Variants in KCNIP3 observed in about 807,000 individuals in gnomAD.
KCNIP3 encodes the protein calsenilin.
A neutral mutation model predicts 35.0 loss-of-function variants in KCNIP3; 28 were observed. That is an observed-to-expected ratio of 0.80 (90% confidence interval 0.59 to 1.10). The LOEUF is 1.10. Ranked by LOEUF, KCNIP3 falls within the 50% of genes least tolerant of loss-of-function variation. The probability of loss-of-function intolerance (pLI) is 0.00; values close to 1 mark genes in which losing one functional copy is unlikely to be tolerated. For missense variants in KCNIP3, 295 were observed against 338.4 expected (o/e 0.87, Z 1.01); for synonymous variants, 134 against 133.8 (o/e 1.00, Z -0.01).
chr2:95,373,765 A>G (rs566984940), intron 2 of KCNIP3, among the ~76,000 whole-genome samples: 14 of 152,200 alleles, frequency 9.2e-5, no homozygotes, highest in Non-Finnish European at 1.9e-4. Context: ...CTGCCCCCAC[A>G]GCCCTGGAGG....
chr2:95,313,462 C>A (rs1182118454), intron 2 of KCNIP3: 1 of 152,350 alleles, frequency 6.6e-6, no homozygotes, highest in African/African-American at 2.4e-5. Flanking sequence ...CCCACCCTAC[C>A]CAGGAGAGGC....
chr2:95,301,668 G>A (rs1168565844), intron 1 of KCNIP3, among the ~76,000 whole-genome samples: 6 of 152,174 alleles, frequency 3.9e-5, no homozygotes, highest in Non-Finnish European at 7.3e-5. Context: ...GTTGAGGAGA[G>A]CCTGGGAAGG....
intron 2 of KCNIP3, among the ~76,000 whole-genome samples, chr2:95,332,119 G>T (rs914198537): frequency 6.6e-6 from 1 of 152,234 alleles, no homozygotes; most frequent in Non-Finnish European, 1.5e-5. Context: ...CAGACAGAGA[G>T]AGGAGGCACA....
chr2:95,353,002 C>A (rs1423706567), intron 2 of KCNIP3, among the ~76,000 whole-genome samples: 1 of 152,248 alleles, frequency 6.6e-6, no homozygotes, highest in Non-Finnish European at 1.5e-5. Context: ...GCCCTCTAAA[C>A]CTGGCACTCT....
chr2:95,374,357 G>A lies in KCNIP3; in HGVS notation c.243G>A (p.Gln81=). The A allele has an allele frequency of 6.2e-7, 1 of 1,614,188 alleles. No individual in the cohort carries two copies. The highest frequency in any genetic ancestry group is 8.5e-7 in the Non-Finnish European group (1 of 1,179,996). The change falls in exon 3 of 9, where the codon CAG becomes CAA. Residue 81 remains glutamine (Q), a synonymous_variant. Transcript: ENST00000295225. The stretch of plus-strand genomic sequence containing the variant: ...GCCACCAGCCAGAGGGGCTGGACCA[G>A]CTGCAGGCCCAGACCAAGTTCACCA... ...TVRHQPEGLD[Q]LQAQTKFTKK... is the part of the protein sequence containing the mutation.
intron 2 of KCNIP3, among the ~76,000 whole-genome samples, chr2:95,351,940 A>G (rs976863818): frequency 3.9e-5 from 6 of 152,150 alleles, no homozygotes; most frequent in Admixed American, 1.3e-4. Flanking sequence ...GGGATATAGC[A>G]CTGTGAGACT....
At chr2:95,317,617 G>A (rs745990481) in intron 2 of KCNIP3, among the ~76,000 whole-genome samples, 1 of 152,186 alleles carries the variant, frequency 6.6e-6, no homozygotes, top group Non-Finnish European at 1.5e-5. Context: ...GAGCGCCCAA[G>A]ACACTGGGGA....
At position 95,378,865 on chromosome 2, in the gene KCNIP3, T is replaced by C. The variant is rs1225494367; in HGVS notation, c.448-2731T>C. On this transcript the variant is annotated intron_variant, in intron 5 of 8. Transcript: ENST00000295225. This position sits in a 1 kb window ranked among gnomAD's most constrained non-coding sequence, Gnocchi z 4.0. ...ATATACACATATATATACACATATA[T>C]ACACACACACACATATATATACACA... Among the ~76,000 whole-genome samples, 3 of 148,602 alleles carry C rather than the reference T, an allele frequency of 2.0e-5. No homozygotes were observed. Among genetic ancestry groups the C allele is most frequent in the South Asian group, 2.1e-4 (1 of 4,728 alleles).
intron 1 of KCNIP3, among the ~76,000 whole-genome samples, chr2:95,306,242 A>G (rs1195876940): frequency 2.0e-5 from 3 of 152,246 alleles, no homozygotes; most frequent in Non-Finnish European, 4.4e-5. Flanking sequence ...AGAATGGCTA[A>G]TGACGGCGAA....
intron 2 of KCNIP3, among the ~76,000 whole-genome samples, chr2:95,326,965 G>A (rs1200246086): frequency 6.6e-6 from 1 of 152,188 alleles, no homozygotes; most frequent in Non-Finnish European, 1.5e-5. Context: ...CGGTTTACGG[G>A]TCGCCTCCTC....
chr2:95,365,901 C>G (rs1278730129), intron 2 of KCNIP3, among the ~76,000 whole-genome samples: 1 of 152,096 alleles, frequency 6.6e-6, no homozygotes, highest in Non-Finnish European at 1.5e-5. Context: ...TTCTATGAAT[C>G]TCGATACATG....
chr2:95,316,368 G>T (rs1678461846), intron 2 of KCNIP3, among the ~76,000 whole-genome samples: 1 of 152,228 alleles, frequency 6.6e-6, no homozygotes, highest in Non-Finnish European at 1.5e-5. Flanking sequence ...CTTTCCCTCT[G>T]CAAGGGATCC....
In KCNIP3 at chr2:95,310,345, C is replaced by T. The variant is rs201937981; in HGVS notation, c.16-10C>T. The T allele has an allele frequency of 2.6e-5, 42 of 1,611,838 alleles. No homozygotes were observed. In the African/African-American group the frequency reaches 4.7e-4, roughly 18 times the overall value. On this transcript the variant is annotated splice_polypyrimidine_tract_variant and intron_variant, in intron 1 of 8. Transcript: ENST00000295225. The stretch of plus-strand genomic sequence containing the variant: ...GGGGCTCAGGGCTGCTCTGCCTGTT[C>T]CTACTGCAGGAAGTGACAAAGGCGT...
intron 2 of KCNIP3, among the ~76,000 whole-genome samples, chr2:95,338,997 G>A (rs1185854571): frequency 1.3e-5 from 2 of 152,214 alleles, no homozygotes; most frequent in Non-Finnish European, 1.5e-5. Flanking sequence ...CATCTGTACA[G>A]GCCGATGGGA....
chr2:95,381,336 C>T (rs1219418562), intron 5 of KCNIP3, among the ~76,000 whole-genome samples: 2 of 151,780 alleles, frequency 1.3e-5, no homozygotes, highest in African/African-American at 4.8e-5. Context: ...TGCACACCCT[C>T]ACACAGGTGC....
chr2:95,311,639 G>T (rs1573481836), intron 2 of KCNIP3: 1 of 152,356 alleles, frequency 6.6e-6, no homozygotes, highest in South Asian at 2.1e-4. Context: ...AAAGGGACTG[G>T]CTGCTACGCA....
At position 95,374,381 on chromosome 2, in the gene KCNIP3, CA is replaced by C; in HGVS notation, c.269del (p.Lys90ArgfsTer102). ...DQLQAQTKFT[K>X]KELQSLYRGF... ...AGCTGCAGGCCCAGACCAAGTTCACCAAGAAGGAGCTGCAGTCTCTCTACAG... is the reference window on the plus strand; with the variant it reads ...AGCTGCAGGCCCAGACCAAGTTCACCAGAAGGAGCTGCAGTCTCTCTACAG... On this transcript the variant is annotated frameshift_variant, in exon 3 of 9. Coordinates refer to ENST00000295225, the MANE Select transcript of KCNIP3 (RefSeq NM_013434.5). LOFTEE classifies it high-confidence loss of function. The C allele has an allele frequency of 6.2e-7, 1 of 1,614,188 alleles. No individual in the cohort carries two copies. Among genetic ancestry groups the C allele is most frequent in the African/African-American group, 1.3e-5 (1 of 75,072 alleles).
intron 2 of KCNIP3, among the ~76,000 whole-genome samples, chr2:95,361,919 A>G (rs1384244076): frequency 6.6e-6 from 1 of 152,144 alleles, no homozygotes; most frequent in Non-Finnish European, 1.5e-5. Context: ...AGACTGAAGG[A>G]CTTAAACAAC....
chr2:95,365,408 C>T (rs1355310600), intron 2 of KCNIP3, among the ~76,000 whole-genome samples: 3 of 152,090 alleles, frequency 2.0e-5, no homozygotes, highest in African/African-American at 4.8e-5. Context: ...GTCATCCACC[C>T]GCCTCGGCCT....
Sources: allele counts gnomAD v4.1 joint callset (sites outside exome capture counted in the v4.1 genomes callset), GRCh38; gene constraint gnomAD v4.1.1; non-coding constraint Gnocchi (gnomAD v3.1); transcripts MANE v1.5; gene names NCBI Gene and HGNC (gene_info 2026-07-23, HGNC 2026-07-21).